The following COQ8A variants were observed in gnomAD, a reference collection of about 807,000 sequenced individuals.
The protein encoded by COQ8A is coenzyme Q8A, also known as atypical kinase COQ8A, mitochondrial.
In COQ8A, 51 loss-of-function variants were observed where a neutral mutation model predicts 65.0. That is an observed-to-expected ratio of 0.78 (90% CI 0.63 to 0.99). The LOEUF is 0.99. COQ8A is among the 50% of genes least tolerant of loss of function. The pLI is 0.00. For synonymous variants in COQ8A, 371 were observed against 353.2 expected, an observed-to-expected ratio of 1.05 and a Z score of -0.57; for missense variants, 940 against 875.0, an observed-to-expected ratio of 1.07 and a Z score of -0.94.
intron 5 of COQ8A, among the ~76,000 whole-genome samples, chr1:226,978,352 C>G (rs971504701): frequency 7.3e-6 from 1 of 136,732 alleles, no homozygotes; most frequent in African/African-American, 2.8e-5. Flanking sequence ...CCACCCTCCA[C>G]CCACCCGAAC....
rs1223030341 is a variant in COQ8A at position 226,982,123 on chromosome 1, A to G, written c.827A>G (p.Lys276Arg). The change falls in exon 6 of 15, where the codon AAG (lysine) becomes AGG (arginine). Residue 276 changes from lysine (K) to arginine (R), a missense_variant. Physicochemically the swap from Lys to Arg is conservative, Grantham distance 26. Transcript: ENST00000366777. Reference protein sequence around the residue: ...TLCKVRGAALKLGQMLSIQDD... With the variant: ...TLCKVRGAALRLGQMLSIQDD... ...TGCAAGGTGCGTGGTGCGGCACTCA[A>G]GCTGGGCCAGATGCTGAGCATCCAG... 2 of 1,604,062 alleles carry G rather than the reference A, an allele frequency of 1.2e-6. No homozygotes were observed. Among genetic ancestry groups the G allele is most frequent in the African/African-American group, 1.3e-5 (1 of 74,606 alleles).
intron 2 of COQ8A, 80 bp from the exon 3 acceptor site, chr1:226,964,920 G>T: frequency 6.5e-7 from 1 of 1,533,594 alleles, no homozygotes; most frequent in East Asian, 2.3e-5. Flanking sequence ...GTGGTGTGCT[G>T]TCCTGGGCAG....
At chr1:226,966,739 ATGCTG>A (rs1658589757) in intron 4 of COQ8A, among the ~76,000 whole-genome samples, 1 of 151,242 alleles carries the variant, frequency 6.6e-6, no homozygotes, top group South Asian at 2.1e-4. Context: ...TCCATCATAC[ATGCTG>A]TTCCTCCGCT....
At chr1:226,943,547 G>A (rs1303455750) in intron 1 of COQ8A, among the ~76,000 whole-genome samples, 1 of 152,220 alleles carries the variant, frequency 6.6e-6, no homozygotes, top group East Asian at 1.9e-4. Flanking sequence ...AATTTATGCA[G>A]GTGGAATTTC....
chr1:226,976,338 G>C (rs1659222097), intron 4 of COQ8A, among the ~76,000 whole-genome samples: 1 of 150,226 alleles, frequency 6.7e-6, no homozygotes, highest in African/African-American at 2.5e-5. Flanking sequence ...GGGGCTGCGG[G>C]ACTGCGGGGC....
Position 226,958,977 on chromosome 1 carries a change from G to C in COQ8A, c.-9-2400G>C, listed in dbSNP as rs534410524. Reference sequence around the variant, plus strand: ...TTAACTTGTGTATTACATGGTTTGAGGGCTTTTATTTCTTTAAAATCATGA... The same window carrying C: ...TTAACTTGTGTATTACATGGTTTGACGGCTTTTATTTCTTTAAAATCATGA... On this transcript the variant is annotated intron_variant, in intron 1 of 14. Coordinates refer to ENST00000366777, the MANE Select transcript of COQ8A (RefSeq NM_020247.5). 1.6e-4 allele frequency among the ~76,000 whole-genome samples: 25 copies of C among 152,290 alleles called. No individual in the cohort carries two copies. The East Asian group carries it at 4.8e-3, about 29-fold the overall frequency.
chr1:226,984,049 T>C (rs1558208199), intron 10 of COQ8A, 45 bp from the exon 11 acceptor site: 6 of 1,572,400 alleles, frequency 3.8e-6, no homozygotes, highest in Non-Finnish European at 5.2e-6. Context: ...GGGGGGACGG[T>C]GTGGAGGGCC....
intron 1 of COQ8A, among the ~76,000 whole-genome samples, chr1:226,948,473 T>A (rs1162401720): frequency 6.6e-6 from 1 of 152,222 alleles, no homozygotes; most frequent in Non-Finnish European, 1.5e-5. Flanking sequence ...GGGATTGTGG[T>A]ATGGGTATCT....
chr1:226,957,025 C>G (rs1657824521), intron 1 of COQ8A, among the ~76,000 whole-genome samples: 1 of 147,670 alleles, frequency 6.8e-6, no homozygotes, highest in Non-Finnish European at 1.5e-5. Flanking sequence ...CTGCCACTCC[C>G]TCGTTCACAC....
At position 226,971,544 on chromosome 1, in the gene COQ8A, C is replaced by CAAAAAAAAAAAAA. The variant is rs543279579; in HGVS notation, c.655+5812_655+5813insAAAAAAAAAAAAA. 1.4e-3 allele frequency among the ~76,000 whole-genome samples: 207 copies of CAAAAAAAAAAAAA among 144,450 alleles called. 5 individuals carry two copies. In the East Asian group the frequency reaches 0.021, roughly 15 times the overall value. The allele number at this position is 144,450 out of a possible 152,430, so 94.8% of individuals were successfully genotyped here. On this transcript the variant is annotated intron_variant, in intron 4 of 14. Coordinates refer to ENST00000366777, the MANE Select transcript of COQ8A (RefSeq NM_020247.5). ...TCCAGCCTGGATGACAGCTCCATCT[C>CAAAAAAAAAAAAA]AAAAAGAAAAAGAAAAAAAAGAAAA...
Position 226,986,535 on chromosome 1 carries a change from A to G in COQ8A, c.1742A>G (p.Gln581Arg), listed in dbSNP as rs767335745. 1.2e-6 allele frequency: 2 copies of G among 1,607,100 alleles called. No homozygotes were observed. Among genetic ancestry groups the G allele is most frequent in the African/African-American group, 1.4e-5 (1 of 72,668 alleles). ...GATGAGCCTTTTGATTTTGGCACTCAGAGCACCACCGAGAAGATCCACAAC... is the reference window on the plus strand; with the variant it reads ...GATGAGCCTTTTGATTTTGGCACTCGGAGCACCACCGAGAAGATCCACAAC... ...ASDEPFDFGT[Q>R]STTEKIHNLI... is the part of the protein sequence containing the mutation. The change falls in exon 15 of 15, where the codon CAG (glutamine) becomes CGG (arginine). Residue 581 changes from glutamine (Q) to arginine (R), a missense_variant. Coordinates refer to ENST00000366777, the MANE Select transcript of COQ8A (RefSeq NM_020247.5).
At chr1:226,957,158 C>T (rs191484001) in intron 1 of COQ8A, among the ~76,000 whole-genome samples, 145 of 145,568 alleles carry the variant, frequency 1.0e-3, no homozygotes, top group Non-Finnish European at 1.5e-3. Flanking sequence ...TCCCTGGCTT[C>T]CGCTCTCCCT....
Position 226,983,672 on chromosome 1 carries a change from T to C in COQ8A, c.1162+39T>C, listed in dbSNP as rs767004123. On this transcript the variant is annotated intron_variant, in intron 9 of 14. Coordinates refer to ENST00000366777, the MANE Select transcript of COQ8A (RefSeq NM_020247.5). Reference sequence around the variant, plus strand: ...TGGTTGGGTCAAGGGCAGGAGTGGGTGGCAGGCATCTGTGTTGGGTTCTGG... The same window carrying C: ...TGGTTGGGTCAAGGGCAGGAGTGGGCGGCAGGCATCTGTGTTGGGTTCTGG... 13 of 1,612,414 alleles carry C rather than the reference T, an allele frequency of 8.1e-6. No homozygotes were observed. In the East Asian group the frequency reaches 2.9e-4, roughly 36 times the overall value.
chr1:226,960,247 T>TTGGTGG (rs1247603225), intron 1 of COQ8A, among the ~76,000 whole-genome samples: 2 of 122,222 alleles, frequency 1.6e-5, no homozygotes, highest in African/African-American at 6.4e-5. Context: ...GTGGTGGTCC[T>TTGGTGG]TGGTGGTGGT....
chr1:226,979,206 T>C (rs1374367753), intron 5 of COQ8A, among the ~76,000 whole-genome samples: 2 of 152,212 alleles, frequency 1.3e-5, no homozygotes, highest in Non-Finnish European at 2.9e-5. Flanking sequence ...CCCACTGAGG[T>C]TGGTGGCCCG....
At chr1:226,960,704 A>C (rs115293746) in intron 1 of COQ8A, among the ~76,000 whole-genome samples, 4,663 of 151,966 alleles carry the variant, frequency 0.031, 257 homozygotes, top group African/African-American at 0.11. Flanking sequence ...GATCTTCCAA[A>C]TTATTGCACT....
chr1:226,982,244 TG>T (rs895093794), intron 6 of COQ8A, 95 bp downstream of exon 6: 1 of 1,495,280 alleles, frequency 6.7e-7, no homozygotes, highest in African/African-American at 1.4e-5. Flanking sequence ...CAAAGCTCAG[TG>T]GGCAAGATGT....
chr1:226,970,479 C>T (rs1471668257), intron 4 of COQ8A, among the ~76,000 whole-genome samples: 1 of 152,138 alleles, frequency 6.6e-6, no homozygotes, highest in African/African-American at 2.4e-5. Flanking sequence ...TGTACCTAAA[C>T]ATAGAAAAGG....
rs758814539 is a variant in COQ8A, at chr1:226,984,968, G to A, written c.1572+27G>A. Reference sequence around the variant, plus strand: ...TAACTGGAGAGGGGCCCTGGCCTTGGTCCATGTTTTTCTGAGGCTGGGACA... The same window carrying A: ...TAACTGGAGAGGGGCCCTGGCCTTGATCCATGTTTTTCTGAGGCTGGGACA... On this transcript the variant is annotated intron_variant, in intron 13 of 14. Transcript: ENST00000366777. 17 of 1,612,956 alleles carry A rather than the reference G, an allele frequency of 1.1e-5. No individual in the cohort carries two copies. In the African/African-American group the frequency reaches 1.3e-4, roughly 13 times the overall value.
Sources: allele counts gnomAD v4.1 joint callset (sites outside exome capture counted in the v4.1 genomes callset), GRCh38; gene constraint gnomAD v4.1.1; transcripts MANE v1.5; gene names NCBI Gene and HGNC (gene_info 2026-07-23, HGNC 2026-07-21).